The following SCEL variants were observed in gnomAD, a reference collection of about 807,000 sequenced individuals.
SCEL encodes sciellin.
SCEL carries 113 observed loss-of-function variants against 117.6 expected under a neutral mutation model. The ratio of observed to expected loss-of-function variants is 0.96; its 90% confidence interval spans 0.83 to 1.12. SCEL has a LOEUF of 1.12. SCEL is among the 50% of genes most tolerant of loss of function. The pLI is 0.00. For synonymous variants in SCEL, 270 were observed against 256.2 expected, an observed-to-expected ratio of 1.05 and a Z score of -0.51; for missense variants, 785 against 810.8, an observed-to-expected ratio of 0.97 and a Z score of 0.39.
chr13:77,599,606 G>A, intron 14 of SCEL, 83 bp from the exon 15 acceptor site: 3 of 1,049,980 alleles, frequency 2.9e-6, no homozygotes, highest in Non-Finnish European at 4.5e-6. Flanking sequence ...CATGGAGAAT[G>A]TTTATTGCAT....
chr13:77,616,004 CTGTGTG>C lies in SCEL; in HGVS notation c.1452-1558_1452-1553del, dbSNP rs1169054133. 3.5e-3 allele frequency among the ~76,000 whole-genome samples: 403 copies of C among 114,236 alleles called. 1 individual carries two copies. Among genetic ancestry groups the C allele is most frequent in the Non-Finnish European group, 2.4e-3 (137 of 57,466 alleles). 74.9% of individuals were successfully genotyped at this position (114,236 alleles called of 152,430 possible). On this transcript the variant is annotated intron_variant, in intron 24 of 32. Transcript: ENST00000349847. ...ATTATTTCATAAAATTTATGTCTCT[CTGTGTG>C]TGTGTGTGTGTGTGTGTGTGTGTGT... is the stretch of plus-strand genomic sequence containing the variant.
At chr13:77,633,982 A>G (rs1204775063) in intron 28 of SCEL, among the ~76,000 whole-genome samples, 1 of 152,198 alleles carries the variant, frequency 6.6e-6, no homozygotes, top group Non-Finnish European at 1.5e-5. Flanking sequence ...TAAATCAGAT[A>G]TTGTCATGAT....
intron 30 of SCEL, among the ~76,000 whole-genome samples, chr13:77,639,204 T>G (rs2090444905): frequency 6.6e-6 from 1 of 152,166 alleles, no homozygotes; most frequent in South Asian, 2.1e-4. Context: ...TATTTTCTAC[T>G]CTTGAAGTGC....
chr13:77,538,547 C>T (rs1196042177), intron 1 of SCEL, among the ~76,000 whole-genome samples: 4 of 152,162 alleles, frequency 2.6e-5, no homozygotes, highest in Non-Finnish European at 1.5e-5. Context: ...CACATGGATG[C>T]TTTGCCAAAT....
chr13:77,629,350 A>AT (rs2089923271), intron 28 of SCEL, among the ~76,000 whole-genome samples: 1 of 150,746 alleles, frequency 6.6e-6, no homozygotes, highest in South Asian at 2.1e-4. Context: ...TGGCTTCCTT[A>AT]TTCTCTGCTC....
At chr13:77,550,904 G>A (rs1184946363) in intron 1 of SCEL, among the ~76,000 whole-genome samples, 1 of 152,202 alleles carries the variant, frequency 6.6e-6, no homozygotes, top group Non-Finnish European at 1.5e-5. Flanking sequence ...GTGAAGGTTT[G>A]TTTGCTGCAG....
intron 21 of SCEL, 48 bp downstream of exon 21, chr13:77,609,165 A>C: frequency 7.3e-7 from 1 of 1,374,346 alleles, no homozygotes; most frequent in Non-Finnish European, 1.0e-6. Flanking sequence ...ACCAATGCCT[A>C]AAAGTATAAT....
At chr13:77,593,292 G>GCGTC (rs1567391715) in intron 11 of SCEL, among the ~76,000 whole-genome samples, 4 of 123,948 alleles carry the variant, frequency 3.2e-5, no homozygotes, top group African/African-American at 7.2e-5. Flanking sequence ...GTGTGTGTGT[G>GCGTC]TGTGTCTGTG....
At chr13:77,547,811 C>T (rs1278893878) in intron 1 of SCEL, among the ~76,000 whole-genome samples, 1 of 152,210 alleles carries the variant, frequency 6.6e-6, no homozygotes, top group Non-Finnish European at 1.5e-5. Flanking sequence ...TTTGAACAAG[C>T]TCATGGAACT....
In SCEL at chr13:77,544,400, G is replaced by A. The variant is rs940045044; in HGVS notation, c.-20+8576G>A. 2.6e-5 allele frequency among the ~76,000 whole-genome samples: 4 copies of A among 152,174 alleles called. No individual in the cohort carries two copies. In the East Asian group the frequency reaches 7.7e-4, roughly 29 times the overall value. On this transcript the variant is annotated intron_variant, in intron 1 of 32. Coordinates refer to ENST00000349847, the MANE Select transcript of SCEL (RefSeq NM_144777.3). ...AAAGACTTCGTGAGGTAAGCCAAGA[G>A]GCATTATGTCCTTGGGTGGGAAGGG...
At chr13:77,609,976 C>A in intron 21 of SCEL, 71 bp from the exon 22 acceptor site, 1 of 865,530 alleles carries the variant, frequency 1.2e-6, no homozygotes, top group Non-Finnish European at 1.7e-6. Context: ...AAAAGTATTT[C>A]TCTGTTTTAA....
chr13:77,540,542 T>C lies in SCEL; in HGVS notation c.-20+4718T>C, dbSNP rs556540365. On this transcript the variant is annotated intron_variant, in intron 1 of 32. Coordinates refer to ENST00000349847, the MANE Select transcript of SCEL (RefSeq NM_144777.3). ...TTCCTGGAGGATATAGAATGTGTGA[T>C]CTGGAAGGTGAATGGAAGTCTTTCC... Among the ~76,000 whole-genome samples the C allele has an allele frequency of 1.3e-5, 2 of 152,280 alleles. 1 individual carries two copies. Among genetic ancestry groups the C allele is most frequent in the Non-Finnish European group, 2.9e-5 (2 of 68,018 alleles).
At chr13:77,590,726 A>G (rs145008149) in intron 10 of SCEL, among the ~76,000 whole-genome samples, 2 of 152,212 alleles carry the variant, frequency 1.3e-5, no homozygotes, top group African/African-American at 4.8e-5. Context: ...GATGATTTTA[A>G]TGAAAGAATA....
intron 22 of SCEL, 54 bp downstream of exon 22, chr13:77,610,160 TA>T: frequency 7.7e-7 from 1 of 1,299,420 alleles, no homozygotes; most frequent in East Asian, 2.5e-5. Flanking sequence ...CTAATGAGCT[TA>T]AAAACATGAC....
At chr13:77,592,143 G>A (rs1034487935) in intron 11 of SCEL, among the ~76,000 whole-genome samples, 1 of 152,126 alleles carries the variant, frequency 6.6e-6, no homozygotes, top group African/African-American at 2.4e-5. Context: ...TTACTTTGAA[G>A]TTTAAAACTT....
intron 5 of SCEL, among the ~76,000 whole-genome samples, chr13:77,566,224 C>T (rs1458773957): frequency 6.6e-6 from 1 of 152,072 alleles, no homozygotes; most frequent in Non-Finnish European, 1.5e-5. Context: ...GACATTGGAT[C>T]CCAGTGAACG....
At position 77,637,039 on chromosome 13, in the gene SCEL, C is replaced by T. The variant is rs2090311351; in HGVS notation, c.1764-81C>T. On this transcript the variant is annotated intron_variant, in intron 29 of 32. Transcript: ENST00000349847. ...ACAAAGATAAAATATTATGAGGCTT[C>T]ATGAGGTGGTGTGAGTGTGTTTTCT... 6.4e-6 allele frequency: 4 copies of T among 622,780 alleles called. No homozygotes were observed. In the South Asian group the frequency reaches 7.1e-5, roughly 11 times the overall value. 38.6% of individuals were successfully genotyped at this position (622,780 alleles called of 1,614,324 possible).
intron 27 of SCEL, among the ~76,000 whole-genome samples, chr13:77,621,899 G>T (rs540261582): frequency 6.6e-6 from 1 of 152,192 alleles, no homozygotes; most frequent in African/African-American, 2.4e-5. Flanking sequence ...TGAAATTCTT[G>T]GTCGCATCTT....
At chr13:77,623,469 T>TTAAA (rs930556011) in intron 27 of SCEL, 12 of 152,100 alleles carry the variant, frequency 7.9e-5, no homozygotes, top group South Asian at 4.2e-4. Flanking sequence ...TTGACTAGCC[T>TTAAA]TAAATAAATA....
Sources: gnomAD v4.1 joint callset for allele counts (sites outside exome capture counted in the v4.1 genomes callset) on GRCh38, gnomAD v4.1.1 for gene constraint, MANE v1.5 for transcripts, NCBI Gene and HGNC (gene_info 2026-07-23, HGNC 2026-07-21) for gene names.